Variants in TAF12 observed in about 807,000 individuals in gnomAD.
The protein encoded by TAF12 is transcription initiation factor TFIID subunit 12.
In TAF12, 3 loss-of-function variants were observed where a neutral mutation model predicts 20.8. That is an observed-to-expected ratio of 0.14 (90% CI 0.07 to 0.37). The LOEUF is 0.37. Among genes scored for constraint, TAF12 ranks in the 10% least tolerant of loss-of-function variants. The probability of loss-of-function intolerance (pLI) is 1.00; values close to 1 mark genes in which losing one functional copy is unlikely to be tolerated. For missense variants in TAF12, 131 were observed against 197.9 expected (o/e 0.66, Z 2.03); for synonymous variants, 69 against 70.2 (o/e 0.98, Z 0.09).
At chr1:28,635,411 T>C (rs1480227834) in intron 1 of TAF12, among the ~76,000 whole-genome samples, 1 of 147,150 alleles carries the variant, frequency 6.8e-6, no homozygotes, top group Non-Finnish European at 1.5e-5. Flanking sequence ...GCTCACACCA[T>C]TCTCCTGTCT....
At chr1:28,617,517 C>T (rs560097923) in intron 3 of TAF12, among the ~76,000 whole-genome samples, 12 of 150,854 alleles carry the variant, frequency 8.0e-5, no homozygotes, top group African/African-American at 2.9e-4. Flanking sequence ...GGCATGGTCT[C>T]GGCTCACTGC....
chr1:28,642,483 C>T (rs1213202809), intron 1 of TAF12, among the ~76,000 whole-genome samples: 2 of 152,106 alleles, frequency 1.3e-5, no homozygotes, highest in Non-Finnish European at 2.9e-5. Context: ...AAAGAAGCCC[C>T]AGTCTTCACT....
At chr1:28,610,341 C>A (rs1666809585) in intron 4 of TAF12, among the ~76,000 whole-genome samples, 1 of 152,108 alleles carries the variant, frequency 6.6e-6, no homozygotes, top group South Asian at 2.1e-4. Context: ...GTCACTCAGG[C>A]TAGAGTGCAG....
Position 28,626,951 on chromosome 1 carries a change from GTA to G in TAF12, c.-84-4788_-84-4787del, listed in dbSNP as rs1293818531. 2.0e-5 allele frequency among the ~76,000 whole-genome samples: 3 copies of G among 152,076 alleles called. No homozygotes were observed. The East Asian group carries it at 5.8e-4, about 29-fold the overall frequency. On this transcript the variant is annotated intron_variant, in intron 1 of 5. Coordinates refer to ENST00000373824, the MANE Select transcript of TAF12 (RefSeq NM_005644.4). ...TTTTTTAAAGATCTGGAGACAAAAA[GTA>G]TGGCCTATCTACATAGTACCAAATA...
chr1:28,605,302 G>A (rs750632896), intron 5 of TAF12, 70 bp downstream of exon 5: 17 of 1,516,710 alleles, frequency 1.1e-5, no homozygotes, highest in Non-Finnish European at 1.6e-5. Flanking sequence ...AGGTAGCTGT[G>A]TGTATCCACT....
chr1:28,637,993 G>A (rs1483910102), intron 1 of TAF12, among the ~76,000 whole-genome samples: 1 of 151,708 alleles, frequency 6.6e-6, no homozygotes, highest in Non-Finnish European at 1.5e-5. Flanking sequence ...CCTATTTTTT[G>A]TTTAATTATT....
intron 1 of TAF12, among the ~76,000 whole-genome samples, chr1:28,625,219 A>AT (rs943034754): frequency 7.2e-5 from 11 of 152,160 alleles, no homozygotes; most frequent in African/African-American, 2.7e-4. Context: ...TATAACAGAG[A>AT]TTTTTGAGTA....
At chr1:28,608,700 A>G in intron 4 of TAF12, among the ~76,000 whole-genome samples, 1 of 151,950 alleles carries the variant, frequency 6.6e-6, no homozygotes, top group East Asian at 1.9e-4. Context: ...GGTTGCAGTG[A>G]GCGGAGATTG....
chr1:28,642,641 C>T lies in TAF12; in HGVS notation c.-85+351G>A, dbSNP rs1668076800. On this transcript the variant is annotated intron_variant, in intron 1 of 5. Coordinates refer to ENST00000373824, the MANE Select transcript of TAF12 (RefSeq NM_005644.4). ...GCCTCTTAGGAGCCCAAGTCCTCAC[C>T]GCTCCACTTTTACCTCTCCGGAGCC... 7.1e-6 allele frequency: 7 copies of T among 985,506 alleles called. No homozygotes were observed. In the South Asian group the frequency reaches 2.3e-4, roughly 33 times the overall value. 61.0% of individuals were successfully genotyped at this position (985,506 alleles called of 1,614,324 possible). A position where few individuals can be genotyped will look rare whatever the true frequency, so the allele number is the denominator to read the frequency against.
intron 1 of TAF12, among the ~76,000 whole-genome samples, chr1:28,641,783 G>A (rs962904961): frequency 1.8e-5 from 2 of 109,572 alleles, no homozygotes; most frequent in Admixed American, 2.3e-4. Flanking sequence ...GACAGAGAGA[G>A]AACCTGTCTC....
intron 4 of TAF12, 89 bp downstream of exon 4, chr1:28,613,158 T>C: frequency 9.4e-7 from 1 of 1,060,440 alleles, no homozygotes; most frequent in Non-Finnish European, 1.3e-6. Context: ...AGTCTGGTTC[T>C]GGCATGAAGG....
At chr1:28,628,928 C>T (rs914753503) in intron 1 of TAF12, among the ~76,000 whole-genome samples, 1 of 152,180 alleles carries the variant, frequency 6.6e-6, no homozygotes, top group Non-Finnish European at 1.5e-5. Context: ...CAAAATTAAC[C>T]AGGCGCGTTG....
chr1:28,646,979 T>C (rs1340267131), upstream of TAF12, among the ~76,000 whole-genome samples: 1 of 151,896 alleles, frequency 6.6e-6, no homozygotes, highest in Non-Finnish European at 1.5e-5. Context: ...ATTACAGGCG[T>C]GAGCCACCGC....
upstream of TAF12, among the ~76,000 whole-genome samples, chr1:28,644,783 G>A (rs949631487): frequency 1.3e-5 from 2 of 152,232 alleles, no homozygotes; most frequent in African/African-American, 4.8e-5. Context: ...AAGACAATGA[G>A]TTTGGAGAGG....
chr1:28,636,769 C>G (rs537200562), intron 1 of TAF12, among the ~76,000 whole-genome samples: 1 of 152,034 alleles, frequency 6.6e-6, no homozygotes, highest in African/African-American at 2.4e-5. Context: ...CCACTGCACT[C>G]CAACGTGGGT....
intron 2 of TAF12, among the ~76,000 whole-genome samples, chr1:28,621,007 G>A (rs1481197903): frequency 6.6e-6 from 1 of 151,910 alleles, no homozygotes; most frequent in Non-Finnish European, 1.5e-5. Context: ...ATCCTCTATA[G>A]GACACACTAT....
chr1:28,647,884 A>G (rs947428376), upstream of TAF12, among the ~76,000 whole-genome samples: 11 of 152,142 alleles, frequency 7.2e-5, no homozygotes, highest in African/African-American at 2.7e-4. Context: ...AAAAAAAAAA[A>G]AATTGTGTTG....
chr1:28,612,231 A>G (rs1194908796), intron 4 of TAF12, among the ~76,000 whole-genome samples: 2 of 151,972 alleles, frequency 1.3e-5, no homozygotes, highest in African/African-American at 4.8e-5. Context: ...AGGTGGATCA[A>G]CAGAGGCCAG....
Position 28,603,515 on chromosome 1 carries a change from T to C in TAF12, c.*24A>G, listed in dbSNP as rs181683597. ...TCAAGTATCTCCAAATACATTGCTG[T>C]CCATTCCCTGACCTTTCCGTGTGTT... On this transcript the variant is annotated 3_prime_UTR_variant, in exon 6 of 6. Coordinates refer to ENST00000373824, the MANE Select transcript of TAF12 (RefSeq NM_005644.4). 1.2e-3 allele frequency: 1,982 copies of C among 1,613,518 alleles called. 3 individuals carry two copies. The highest frequency in any genetic ancestry group is 1.6e-3 in the Non-Finnish European group (1,884 of 1,179,670).
Sources: gnomAD v4.1 joint callset for allele counts (sites outside exome capture counted in the v4.1 genomes callset) on GRCh38, gnomAD v4.1.1 for gene constraint, MANE v1.5 for transcripts, NCBI Gene and HGNC (gene_info 2026-07-23, HGNC 2026-07-21) for gene names.